The following ZNF879 variants were observed in gnomAD, a reference collection of about 807,000 sequenced individuals.
ZNF879 encodes zinc finger protein 879.
ZNF879 carries 32 observed loss-of-function variants against 44.3 expected under a neutral mutation model. The ratio of observed to expected loss-of-function variants is 0.72; its 90% CI spans 0.54 to 0.97. ZNF879 has a LOEUF of 0.97. Among genes scored for constraint, ZNF879 ranks in the 50% least tolerant of loss-of-function variants. The pLI is 0.00. For synonymous variants in ZNF879, 234 were observed against 233.2 expected (o/e 1.00, Z -0.03); for missense variants, 621 against 669.7 (o/e 0.93, Z 0.80).
chr5:179,027,670 A>AGGGCTTGGCC, intron 3 of ZNF879, 71 bp downstream of exon 3: 1 of 1,567,304 alleles, frequency 6.4e-7, no homozygotes, highest in Non-Finnish European at 8.7e-7. Flanking sequence ...GCACATTTGG[A>AGGGCTTGGCC]GGGCTTGGCC....
Position 179,032,539 on chromosome 5 carries a change from CA to C in ZNF879, c.593del (p.Asn198ThrfsTer22). On this transcript the variant is annotated frameshift_variant, in exon 5 of 5. Coordinates refer to ENST00000444149, the MANE Select transcript of ZNF879 (RefSeq NM_001136116.3). LOFTEE classifies it high-confidence loss of function. ...YSVLFKQLGVNTVRKCYKCNI... is the reference protein window; with the variant it reads ...YSVLFKQLGVXTVRKCYKCNI... Reference sequence around the variant, plus strand: ...CAGTTCTCTTTAAACAACTGGGGGTCAACACAGTGCGTAAATGTTATAAATG... The same window carrying C: ...CAGTTCTCTTTAAACAACTGGGGGTCACACAGTGCGTAAATGTTATAAATG... 1 of 1,551,676 alleles carries C rather than the reference CA, an allele frequency of 6.4e-7. No individual in the cohort carries two copies. The highest frequency in any genetic ancestry group is 8.7e-7 in the Non-Finnish European group (1 of 1,147,016).
intron 4 of ZNF879, 59 bp downstream of exon 4, chr5:179,028,186 G>T: frequency 6.8e-7 from 1 of 1,473,988 alleles, no homozygotes; most frequent in South Asian, 1.2e-5. Flanking sequence ...AGGGCACAGC[G>T]AGGAGGCTGC....
At chr5:179,025,133 AGGGAAGG>A in intron 2 of ZNF879, 96 bp downstream of exon 2, 1 of 1,411,186 alleles carries the variant, frequency 7.1e-7, no homozygotes, top group Non-Finnish European at 9.8e-7. Context: ...AGTGAAGCTC[AGGGAAGG>A]ACCAGAGGGC....
chr5:179,028,691 C>T (rs1225596711), intron 4 of ZNF879, among the ~76,000 whole-genome samples: 1 of 152,200 alleles, frequency 6.6e-6, no homozygotes, highest in Non-Finnish European at 1.5e-5. Context: ...CGCTATTCTT[C>T]TCTTTTCTGT....
At chr5:179,025,853 G>A (rs1429054315) in intron 2 of ZNF879, among the ~76,000 whole-genome samples, 1 of 151,888 alleles carries the variant, frequency 6.6e-6, no homozygotes, top group Non-Finnish European at 1.5e-5. Context: ...GGAGGCAGGG[G>A]TTGAAGCGAG....
intron 3 of ZNF879, 66 bp from the exon 4 acceptor site, chr5:179,027,966 G>A: frequency 7.2e-7 from 1 of 1,379,936 alleles, no homozygotes. Context: ...CCTCTGCCCT[G>A]GGCACTCTGG....
chr5:179,029,117 T>C (rs80243196), intron 4 of ZNF879, among the ~76,000 whole-genome samples: 11 of 150,172 alleles, frequency 7.3e-5, no homozygotes, highest in South Asian at 6.4e-4. Context: ...TTTTTTTTTT[T>C]CCTCTCTGCA....
Position 179,032,895 on chromosome 5 carries a change from A to AT in ZNF879, c.948dup (p.Lys317Ter), listed in dbSNP as rs780425377. 6.4e-7 allele frequency: 1 copy of AT among 1,570,926 alleles called. No individual in the cohort carries two copies. Among genetic ancestry groups the AT allele is most frequent in the Non-Finnish European group, 8.6e-7 (1 of 1,157,878 alleles). Reference sequence around the variant, plus strand: ...CGAATTCACACAGGAGAGAAGCCCTATAAGTGTAATGAATGTGGGAGGGCC... The same window carrying AT: ...CGAATTCACACAGGAGAGAAGCCCTATTAAGTGTAATGAATGTGGGAGGGCC... On this transcript the variant is annotated frameshift_variant, in exon 5 of 5. Transcript: ENST00000444149. LOFTEE classifies it high-confidence loss of function.
At chr5:179,027,645 T>A (rs1021099716) in intron 3 of ZNF879, 46 bp downstream of exon 3, 1 of 1,601,788 alleles carries the variant, frequency 6.2e-7, no homozygotes, top group African/African-American at 1.3e-5. Flanking sequence ...GAGAGCACCT[T>A]AGCACCCTCA....
Position 179,033,238 on chromosome 5 carries a change from T to C in ZNF879, c.1290T>C (p.Cys430=). Residue 430 remains cysteine, a synonymous_variant, in exon 5 of 5, where the codon TGT becomes TGC. Coordinates refer to ENST00000444149, the MANE Select transcript of ZNF879 (RefSeq NM_001136116.3). ...ACACTGGAGAAAAACCCTACAAATG[T>C]AATGAATGTGGGAAAGCCTTCTCTT... ...RIHTGEKPYK[C]NECGKAFSWI... 6.3e-7 allele frequency: 1 copy of C among 1,592,600 alleles called. No homozygotes were observed. The highest frequency in any genetic ancestry group is 8.6e-7 in the Non-Finnish European group (1 of 1,169,178).
At chr5:179,027,955 C>A (rs990907254) in intron 3 of ZNF879, 77 bp from the exon 4 acceptor site, 1 of 1,256,234 alleles carries the variant, frequency 8.0e-7, no homozygotes, top group Non-Finnish European at 1.1e-6. Context: ...CCTGTACTGC[C>A]CCTCTGCCCT....
intron 2 of ZNF879, among the ~76,000 whole-genome samples, chr5:179,026,265 A>G (rs980477248): frequency 5.9e-5 from 9 of 152,154 alleles, no homozygotes; most frequent in Admixed American, 2.0e-4. Flanking sequence ...ACACTGAACT[A>G]CTGGGCAGCA....
chr5:179,030,747 AT>A (rs1161866857), intron 4 of ZNF879, among the ~76,000 whole-genome samples: 1 of 152,218 alleles, frequency 6.6e-6, no homozygotes, highest in Non-Finnish European at 1.5e-5. Flanking sequence ...AGTTAAGAAA[AT>A]AAAAGCTGTT....
intron 4 of ZNF879, among the ~76,000 whole-genome samples, chr5:179,031,289 A>T (rs1761410713): frequency 6.6e-6 from 1 of 152,178 alleles, no homozygotes; most frequent in Non-Finnish European, 1.5e-5. Context: ...AAAACGCTCC[A>T]CAATATAGCC....
Position 179,033,429 on chromosome 5 carries a change from A to G in ZNF879, c.1481A>G (p.Asn494Ser). The change falls in exon 5 of 5, where the codon AAC becomes AGC. Residue 494 changes from asparagine to serine, a missense_variant. Transcript: ENST00000444149. ...TGTAATGACTGTGAGAAAGCCTTCA[A>G]CCAAAGCTCAGCTCTAATTCAGCAC... ...YKCNDCEKAFNQSSALIQHQR... is the reference protein window; with the variant it reads ...YKCNDCEKAFSQSSALIQHQR... 1.9e-6 allele frequency: 3 copies of G among 1,562,402 alleles called. No homozygotes were observed. Among genetic ancestry groups the G allele is most frequent in the Non-Finnish European group, 2.6e-6 (3 of 1,153,350 alleles).
rs1158724618 is a variant in ZNF879, at chr5:179,025,035, CAG to C, written c.32_33del (p.Gln11ArgfsTer86). ...AAGGAGGTTGCTGCCAGCCCATGTA[CAG>C]GTGAGTGAAGGCTTCTTTTTGCTTG... The part of the protein sequence containing the change: MARRLLPAHV[Q>X]ESVTFRDVAV... On this transcript the variant is annotated frameshift_variant and splice_region_variant, in exon 2 of 5. Coordinates refer to ENST00000444149, the MANE Select transcript of ZNF879 (RefSeq NM_001136116.3). LOFTEE classifies it high-confidence loss of function. The C allele has an allele frequency of 3.9e-6, 6 of 1,551,532 alleles. No individual in the cohort carries two copies. The highest frequency in any genetic ancestry group is 5.2e-6 in the Non-Finnish European group (6 of 1,146,884).
In ZNF879 at chr5:179,028,744, G is replaced by A. The variant is rs1220671659; in HGVS notation, c.256+617G>A. Among the ~76,000 whole-genome samples, 6 of 152,068 alleles carry A rather than the reference G, an allele frequency of 3.9e-5. No individual in the cohort carries two copies. The South Asian group carries it at 1.2e-3, about 32-fold the overall frequency. ...TGCATCCCAGATCCCAGCTCCTAAG[G>A]CATGTCACTTTTTCCCTATACGCCC... On this transcript the variant is annotated intron_variant, in intron 4 of 4. Transcript: ENST00000444149.
chr5:179,033,172 C>T lies in ZNF879; in HGVS notation c.1224C>T (p.Ala408=), dbSNP rs1182114857. The T allele has an allele frequency of 6.3e-7, 1 of 1,593,392 alleles. No individual in the cohort carries two copies. The highest frequency in any genetic ancestry group is 8.6e-7 in the Non-Finnish European group (1 of 1,169,532). The change falls in exon 5 of 5, where the codon GCC becomes GCT. Residue 408 remains alanine, a synonymous_variant. Transcript: ENST00000444149. The part of the protein sequence containing the change: ...KPYACKECGK[A]FSQSSALIQH... The stretch of plus-strand genomic sequence containing the variant: ...ATGCATGCAAAGAATGTGGGAAAGC[C>T]TTCAGCCAAAGCTCAGCTCTCATAC...
At chr5:179,025,573 A>G (rs1330226254) in intron 2 of ZNF879, among the ~76,000 whole-genome samples, 1 of 152,224 alleles carries the variant, frequency 6.6e-6, no homozygotes, top group Non-Finnish European at 1.5e-5. Context: ...TGAAAGATCC[A>G]GGTGTTTTTG....
Sources: gnomAD v4.1 joint callset for allele counts (sites outside exome capture counted in the v4.1 genomes callset) on GRCh38, gnomAD v4.1.1 for gene constraint, MANE v1.5 for transcripts, NCBI Gene and HGNC (gene_info 2026-07-23, HGNC 2026-07-21) for gene names.